ADORA2A: variants seen among roughly 807,000 people sequenced by gnomAD.
ADORA2A encodes the protein adenosine receptor A2a.
In ADORA2A, 11 loss-of-function variants were observed where a neutral mutation model predicts 18.4. The observed-to-expected ratio is 0.60, with a 90% CI of 0.38 to 0.99. The LOEUF is 0.99. Ranked by LOEUF, ADORA2A falls within the 50% of genes least tolerant of loss-of-function variation. The probability of loss-of-function intolerance (pLI) is 0.01; values close to 1 mark genes in which losing one functional copy is unlikely to be tolerated. For missense variants in ADORA2A, 449 were observed against 556.1 expected (o/e 0.81, Z 1.94); for synonymous variants, 218 against 237.3 (o/e 0.92, Z 0.75).
rs1438073450 is a variant in ADORA2A at position 24,441,567 on chromosome 22, A to AAG, written c.*87_*88dup. ...TTGGCTTGACCAGTCACGTTGGGAG[A>AAG]AGAGAGAGAGTGCCAGGAGACCCTG... On this transcript the variant is annotated 3_prime_UTR_variant, in exon 3 of 3. Transcript: ENST00000337539. 1.5e-5 allele frequency: 21 copies of AAG among 1,383,996 alleles called. No homozygotes were observed. The highest frequency in any genetic ancestry group is 1.9e-5 in the Non-Finnish European group (20 of 1,058,734). The allele number at this position is 1,383,996 out of a possible 1,614,324, so 85.7% of individuals were successfully genotyped here.
At position 24,433,425 on chromosome 22, in the gene ADORA2A, G is replaced by C. The variant is rs201570977; in HGVS notation, c.21G>C (p.Ser7=). The change falls in exon 2 of 3, where the codon TCG becomes TCC. Residue 7 remains serine, a synonymous_variant. Transcript: ENST00000337539. MPIMGS[S]VYITVELAIA... is the part of the protein sequence containing the mutation. ...TGGCCATGCCCATCATGGGCTCCTC[G>C]GTGTACATCACGGTGGAGCTGGCCA... 8.7e-6 allele frequency: 14 copies of C among 1,612,818 alleles called. No individual in the cohort carries two copies. The highest frequency in any genetic ancestry group is 1.1e-5 in the Non-Finnish European group (13 of 1,179,634).
At chr22:24,440,218 C>T (rs763468790) in intron 2 of ADORA2A, among the ~76,000 whole-genome samples, 9 of 152,180 alleles carry the variant, frequency 5.9e-5, no homozygotes, top group Non-Finnish European at 1.3e-4. Context: ...GTTAAGGCTA[C>T]GACACGTTTC....
Position 24,433,306 on chromosome 22 carries a change from T to A in ADORA2A, c.-99T>A. The A allele has an allele frequency of 4.1e-6, 5 of 1,233,728 alleles. No homozygotes were observed. Among genetic ancestry groups the A allele is most frequent in the Non-Finnish European group, 4.5e-6 (4 of 890,368 alleles). The allele number at this position is 1,233,728 out of a possible 1,614,324, so 76.4% of individuals were successfully genotyped here. A position where few individuals can be genotyped will look rare whatever the true frequency, so the allele number is the denominator to read the frequency against. On this transcript the variant is annotated 5_prime_UTR_variant, in exon 2 of 3. Coordinates refer to ENST00000337539, the MANE Select transcript of ADORA2A (RefSeq NM_000675.6). Reference sequence around the variant, plus strand: ...GCTCAGGGGTCTGGGCCCCTCCGCCTGGGCCGGGCTGGGAGCCAGGCGGGC... The same window carrying A: ...GCTCAGGGGTCTGGGCCCCTCCGCCAGGGCCGGGCTGGGAGCCAGGCGGGC...
chr22:24,433,941 G>T (rs551197466), intron 2 of ADORA2A, among the ~76,000 whole-genome samples: 70 of 152,378 alleles, frequency 4.6e-4, no homozygotes, highest in African/African-American at 1.6e-3. Context: ...CCCTATGGGC[G>T]CAGGGCAGCC....
Position 24,433,800 on chromosome 22 carries a change from G to A in ADORA2A, c.332+64G>A, listed in dbSNP as rs13306116. 2,745 of 1,514,468 alleles carry A rather than the reference G, an allele frequency of 1.8e-3. 14 individuals are homozygous for A. The East Asian group carries it at 0.021, about 11-fold the overall frequency. 93.8% of individuals were successfully genotyped at this position (1,514,468 alleles called of 1,614,324 possible). A position where few individuals can be genotyped will look rare whatever the true frequency, so the allele number is the denominator to read the frequency against. Reference sequence around the variant, plus strand: ...GGTGCCCAGGCTTTGGTCTGTGCCCGGAGCCAGGGTGAGCCTGGGATCAGG... The same window carrying A: ...GGTGCCCAGGCTTTGGTCTGTGCCCAGAGCCAGGGTGAGCCTGGGATCAGG... On this transcript the variant is annotated intron_variant, in intron 2 of 2. Transcript: ENST00000337539.
In ADORA2A at chr22:24,442,072, C is replaced by G. The variant is rs2043355925; in HGVS notation, c.*583C>G. On this transcript the variant is annotated 3_prime_UTR_variant, in exon 3 of 3. Transcript: ENST00000337539. ...GAGCCTCTGCCCGGGGAGCCTCAGG[C>G]AGTCCTCTCCTGCTGTCACAGCTGC... 1 of 152,890 alleles carries G rather than the reference C, an allele frequency of 6.5e-6. No individual in the cohort carries two copies. The allele number at this position is 152,890 out of a possible 1,614,324, so 9.5% of individuals were successfully genotyped here. A position where few individuals can be genotyped will look rare whatever the true frequency, so the allele number is the denominator to read the frequency against.
chr22:24,426,296 G>A (rs185855738), upstream of ADORA2A, among the ~76,000 whole-genome samples: 39 of 152,288 alleles, frequency 2.6e-4, no homozygotes, highest in African/African-American at 7.2e-4. Flanking sequence ...CTATTGCAGC[G>A]CAAACAGAGC....
rs1055288542 is a variant in ADORA2A, at chr22:24,433,617, C to T, written c.213C>T (p.Cys71=). 11 of 1,613,830 alleles carry T rather than the reference C, an allele frequency of 6.8e-6. No homozygotes were observed. The South Asian group carries it at 7.7e-5, about 11-fold the overall frequency. Residue 71 remains cysteine, a synonymous_variant, in exon 2 of 3, where the codon TGC becomes TGT. Coordinates refer to ENST00000337539, the MANE Select transcript of ADORA2A (RefSeq NM_000675.6). The part of the protein sequence containing the change: ...PFAITISTGF[C]AACHGCLFIA... The stretch of plus-strand genomic sequence containing the variant: ...CCATCACCATCAGCACCGGGTTCTG[C>T]GCTGCCTGCCACGGCTGCCTCTTCA...
intron 2 of ADORA2A, among the ~76,000 whole-genome samples, chr22:24,437,600 G>T (rs543846494): frequency 6.6e-6 from 1 of 152,192 alleles, no homozygotes; most frequent in East Asian, 1.9e-4. Flanking sequence ...AAAGAGTATA[G>T]TATAGTAGAA....
At chr22:24,426,040 G>A (rs528830650), upstream of ADORA2A, among the ~76,000 whole-genome samples, 1 of 152,302 alleles carries the variant, frequency 6.6e-6, no homozygotes, top group Admixed American at 6.5e-5. Flanking sequence ...GCTGTTGGCA[G>A]AGGGACATAT....
intron 2 of ADORA2A, among the ~76,000 whole-genome samples, chr22:24,435,110 C>G (rs1217827750): frequency 1.3e-5 from 2 of 152,232 alleles, no homozygotes; most frequent in African/African-American, 2.4e-5. Context: ...GTCAGATGCT[C>G]TCTATCCCAG....
upstream of ADORA2A, among the ~76,000 whole-genome samples, chr22:24,425,560 G>T (rs1195542179): frequency 6.6e-6 from 1 of 152,198 alleles, no homozygotes; most frequent in African/African-American, 2.4e-5. Context: ...GAGCTTTCCT[G>T]CTCCTTGCCT....
chr22:24,430,919 T>G (rs2043015492), intron 1 of ADORA2A: 5 of 356,260 alleles, frequency 1.4e-5, no homozygotes, highest in Non-Finnish European at 2.8e-5. Flanking sequence ...CTGGTGGTGC[T>G]GGGCCTGGGA....
chr22:24,427,703 G>T lies in ADORA2A; in HGVS notation c.-318G>T, dbSNP rs199807719. 1.2e-4 allele frequency: 18 copies of T among 152,330 alleles called. No homozygotes were observed. The highest frequency in any genetic ancestry group is 4.3e-4 in the African/African-American group (18 of 41,470). 9.4% of individuals were successfully genotyped at this position (152,330 alleles called of 1,614,324 possible). A position where few individuals can be genotyped will look rare whatever the true frequency, so the allele number is the denominator to read the frequency against. On this transcript the variant is annotated 5_prime_UTR_variant, in exon 1 of 3. Transcript: ENST00000337539. ...CCCCCAGCACCTTGGTGCGGGGTGC[G>T]GCCCCTCGGAGGAGGGCTGTCAGGT...
At chr22:24,435,000 G>A (rs1349993193) in intron 2 of ADORA2A, among the ~76,000 whole-genome samples, 1 of 152,210 alleles carries the variant, frequency 6.6e-6, no homozygotes, top group Non-Finnish European at 1.5e-5. Flanking sequence ...CGCAGAGCCT[G>A]CACCAGGTGG....
intron 1 of ADORA2A, chr22:24,429,526 T>TGGCCCC (rs924267282): frequency 5.3e-5 from 8 of 152,376 alleles, no homozygotes; most frequent in African/African-American, 1.7e-4. Context: ...TGCCAGATCC[T>TGGCCCC]GGCCCCGCCC....
Position 24,440,760 on chromosome 22 carries a change from T to C in ADORA2A, c.510T>C (p.Asp170=), listed in dbSNP as rs201235831. 6.2e-7 allele frequency: 1 copy of C among 1,614,230 alleles called. No homozygotes were observed. Among genetic ancestry groups the C allele is most frequent in the Non-Finnish European group, 8.5e-7 (1 of 1,180,040 alleles). ...GEGQVACLFE[D]VVPMNYMVYF... is the part of the protein sequence containing the mutation. ...GCCAAGTGGCCTGTCTCTTTGAGGA[T>C]GTGGTCCCCATGAACTACATGGTGT... Residue 170 remains aspartate (D), a synonymous_variant, in exon 3 of 3, where the codon GAT becomes GAC. Transcript: ENST00000337539.
chr22:24,424,923 C>G (rs1329650276), upstream of ADORA2A, among the ~76,000 whole-genome samples: 1 of 152,038 alleles, frequency 6.6e-6, no homozygotes, highest in Non-Finnish European at 1.5e-5. This position sits in a 1 kb window ranked among gnomAD's most constrained non-coding sequence, Gnocchi z 4.9. Context: ...AGACCCAGGG[C>G]TGGGTCCTAG....
At chr22:24,428,576 T>C (rs2146865919) in intron 1 of ADORA2A, among the ~76,000 whole-genome samples, 1 of 152,374 alleles carries the variant, frequency 6.6e-6, no homozygotes, top group South Asian at 2.1e-4. Context: ...TTTGCCTCTT[T>C]GGAGATTCTA....
Sources: allele counts gnomAD v4.1 joint callset (sites outside exome capture counted in the v4.1 genomes callset), GRCh38; gene constraint gnomAD v4.1.1; non-coding constraint Gnocchi (gnomAD v3.1); transcripts MANE v1.5; gene names NCBI Gene and HGNC (gene_info 2026-07-23, HGNC 2026-07-21).